FRAS1: variants seen among roughly 807,000 people sequenced by gnomAD.
FRAS1 encodes Fraser extracellular matrix complex subunit 1, also known as extracellular matrix organizing protein FRAS1.
Under a neutral mutation model 435.2 loss-of-function variants are expected in FRAS1, and 290 were observed. That is an observed-to-expected ratio of 0.67 (90% CI 0.61 to 0.73). The LOEUF (loss-of-function observed/expected upper bound fraction) is 0.73, where lower values mean the gene tolerates loss of function less well. FRAS1 is among the 30% of genes least tolerant of loss of function. The probability of loss-of-function intolerance (pLI) is 0.00; values close to 1 mark genes in which losing one functional copy is unlikely to be tolerated. For synonymous variants in FRAS1, 1,800 were observed against 1,851.0 expected, an observed-to-expected ratio of 0.97 and a Z score of 0.71; for missense variants, 4,860 against 5,001.5, an observed-to-expected ratio of 0.97 and a Z score of 0.85.
At chr4:78,396,081 T>C (rs1732649675) in intron 29 of FRAS1, among the ~76,000 whole-genome samples, 1 of 152,130 alleles carries the variant, frequency 6.6e-6, no homozygotes, top group African/African-American at 2.4e-5. Flanking sequence ...TAATGGTCTA[T>C]TTTAAGATGA....
chr4:78,486,331 G>A lies in FRAS1; in HGVS notation c.8753-2544G>A, dbSNP rs936559350. On this transcript the variant is annotated intron_variant, in intron 58 of 73. Transcript: ENST00000512123. The stretch of plus-strand genomic sequence containing the variant: ...GGTGATCAACATGGTATGGGCTACA[G>A]AGTAGTGGAGAGCAGAGTCCCATAA... 2.0e-5 allele frequency among the ~76,000 whole-genome samples: 3 copies of A among 152,346 alleles called. No individual in the cohort carries two copies. The East Asian group carries it at 5.8e-4, about 29-fold the overall frequency.
chr4:78,467,890 T>C (rs559070619), intron 50 of FRAS1, among the ~76,000 whole-genome samples: 1 of 152,360 alleles, frequency 6.6e-6, no homozygotes, highest in East Asian at 1.9e-4. Context: ...AAATGTCTAT[T>C]CAAATCTTTT....
intron 10 of FRAS1, among the ~76,000 whole-genome samples, chr4:78,280,865 A>G (rs1406141781): frequency 1.3e-5 from 2 of 152,094 alleles, no homozygotes; most frequent in East Asian, 3.9e-4. Context: ...TGGCATTATT[A>G]TTATTTTGCT....
intron 29 of FRAS1, among the ~76,000 whole-genome samples, chr4:78,391,748 G>T (rs577421869): frequency 6.6e-6 from 1 of 152,258 alleles, no homozygotes; most frequent in Admixed American, 6.5e-5. Flanking sequence ...ATTGCTGAGA[G>T]TCCTCTCTGG....
At position 78,375,788 on chromosome 4, in the gene FRAS1, C is replaced by G. The variant is rs997467930; in HGVS notation, c.3201C>G (p.Leu1067=). 5.0e-6 allele frequency: 8 copies of G among 1,612,090 alleles called. No individual in the cohort carries two copies. In the East Asian group the frequency reaches 1.8e-4, roughly 36 times the overall value. The change falls in exon 26 of 74, where the codon CTC becomes CTG. Residue 1067 remains leucine, a synonymous_variant. Coordinates refer to ENST00000512123, the MANE Select transcript of FRAS1 (RefSeq NM_025074.7). ...LQCSHRDRCH[L]CDHGFFLKSG... ...GCAGCCACAGGGACCGTTGTCACCT[C>G]TGTGACCATGGGTTCTTTCTGAAGA...
intron 3 of FRAS1, 80 bp from the exon 4 acceptor site, chr4:78,245,148 TGTAAG>T: frequency 1.1e-6 from 1 of 882,820 alleles, no homozygotes; most frequent in Non-Finnish European, 1.9e-6. Context: ...ATTTAGTGAA[TGTAAG>T]ATGACTTAGG....
chr4:78,281,313 A>T, intron 10 of FRAS1, 85 bp from the exon 11 acceptor site: 1 of 874,212 alleles, frequency 1.1e-6, no homozygotes, highest in South Asian at 1.8e-5. Context: ...CTTGGGAAAA[A>T]TGGATAACTC....
At chr4:78,427,402 T>C (rs1348726542) in intron 35 of FRAS1, among the ~76,000 whole-genome samples, 1 of 152,220 alleles carries the variant, frequency 6.6e-6, no homozygotes, top group Non-Finnish European at 1.5e-5. Flanking sequence ...CTTTAGGTTT[T>C]CTGTTATAAG....
chr4:78,438,456 A>G, intron 38 of FRAS1, 114 bp from the exon 39 acceptor site: 6 of 1,010,854 alleles, frequency 5.9e-6, no homozygotes, highest in Non-Finnish European at 8.9e-6. Flanking sequence ...TAAGACAAAG[A>G]GAAAGAGACT....
Position 78,265,010 on chromosome 4 carries a change from G to C in FRAS1, c.604-15G>C. On this transcript the variant is annotated splice_polypyrimidine_tract_variant and intron_variant, in intron 6 of 73. Coordinates refer to ENST00000512123, the MANE Select transcript of FRAS1 (RefSeq NM_025074.7). ...TATCACTTTGTGATGGATTGTTCCT[G>C]TTCTGCGTGTTAAGGATGAGACTGT... is the stretch of plus-strand genomic sequence containing the variant. The C allele has an allele frequency of 6.6e-7, 1 of 1,518,656 alleles. No individual in the cohort carries two copies. Among genetic ancestry groups the C allele is most frequent in the East Asian group, 2.3e-5 (1 of 44,440 alleles). 94.1% of individuals were successfully genotyped at this position (1,518,656 alleles called of 1,614,324 possible).
chr4:78,248,919 A>G (rs1301606734), intron 4 of FRAS1, among the ~76,000 whole-genome samples: 1 of 151,456 alleles, frequency 6.6e-6, no homozygotes, highest in African/African-American at 2.4e-5. Flanking sequence ...TTAAGATGGC[A>G]CAGGTAAAAC....
At chr4:78,223,722 A>G (rs1724149614) in intron 2 of FRAS1, among the ~76,000 whole-genome samples, 1 of 152,144 alleles carries the variant, frequency 6.6e-6, no homozygotes, top group Non-Finnish European at 1.5e-5. Flanking sequence ...ACTTCAGATA[A>G]CTATTTCCAG....
intron 49 of FRAS1, among the ~76,000 whole-genome samples, chr4:78,465,549 AT>A (rs1202203485): frequency 6.6e-6 from 1 of 152,240 alleles, no homozygotes; most frequent in African/African-American, 2.4e-5. Context: ...GGAGCCAGAA[AT>A]ACAAAGGCAC....
intron 22 of FRAS1, among the ~76,000 whole-genome samples, chr4:78,366,127 G>A (rs1352549568): frequency 6.6e-6 from 1 of 152,174 alleles, no homozygotes; most frequent in Non-Finnish European, 1.5e-5. Context: ...AGTAAGGACT[G>A]GAGAGCTTTC....
At chr4:78,181,644 C>A (rs570369133) in intron 2 of FRAS1, 1 of 1,610,130 alleles carries the variant, frequency 6.2e-7, no homozygotes, top group South Asian at 1.1e-5. Context: ...AATCTTCGTT[C>A]ACAAGGTGGT....
Position 78,449,125 on chromosome 4 carries a change from A to G in FRAS1, c.6274+809A>G, listed in dbSNP as rs186799484. On this transcript the variant is annotated intron_variant, in intron 44 of 73. Transcript: ENST00000512123. ...TTTCATGGATGCTGGTAGAAGATAC[A>G]AGATTCCTCCATCAGAAATACGGCA... Among the ~76,000 whole-genome samples the G allele has an allele frequency of 3.6e-3, 544 of 152,340 alleles. 4 individuals are homozygous for G. Among genetic ancestry groups the G allele is most frequent in the African/African-American group, 0.012 (511 of 41,586 alleles).
At position 78,472,182 on chromosome 4, in the gene FRAS1, A is replaced by C. The variant is rs1553963705; in HGVS notation, c.7374A>C (p.Ala2458=). ...AATTAAATGGGTTTCTATTCTAGGC[A>C]ACCAACCTGATCACCAAGAAGGAAC... ...LQWLEYMDGK[A]TNLITKKELL... The change falls in exon 52 of 74, where the codon GCA becomes GCC. Residue 2458 remains alanine, a splice_region_variant and synonymous_variant. Transcript: ENST00000512123. 1.2e-6 allele frequency: 2 copies of C among 1,613,916 alleles called. No individual in the cohort carries two copies. Among genetic ancestry groups the C allele is most frequent in the Non-Finnish European group, 8.5e-7 (1 of 1,179,800 alleles).
At chr4:78,403,607 C>T (rs540795794) in intron 30 of FRAS1, among the ~76,000 whole-genome samples, 12 of 152,126 alleles carry the variant, frequency 7.9e-5, no homozygotes, top group Non-Finnish European at 1.5e-4. Flanking sequence ...GAAGAGCTGA[C>T]GCCTTGAAAC....
chr4:78,190,872 G>A (rs752000563), intron 2 of FRAS1, among the ~76,000 whole-genome samples: 1 of 152,308 alleles, frequency 6.6e-6, no homozygotes, highest in South Asian at 2.1e-4. Context: ...TTTGGAGATA[G>A]GGCCTTTACA....
Sources: gnomAD v4.1 joint callset for allele counts (sites outside exome capture counted in the v4.1 genomes callset) on GRCh38, gnomAD v4.1.1 for gene constraint, MANE v1.5 for transcripts, NCBI Gene and HGNC (gene_info 2026-07-23, HGNC 2026-07-21) for gene names.